DYTN: variants seen among roughly 807,000 people sequenced by gnomAD.
DYTN encodes the protein dystrotelin.
Under a neutral mutation model 69.6 loss-of-function variants are expected in DYTN, and 75 were observed. The ratio of observed to expected loss-of-function variants is 1.08; its 90% CI spans 0.89 to 1.31. The LOEUF (loss-of-function observed/expected upper bound fraction) is 1.31, where lower values mean the gene tolerates loss of function less well. Ranked by LOEUF, DYTN falls within the 50% of genes most tolerant of loss-of-function variation. DYTN has a pLI of 0.00. For synonymous variants in DYTN, 252 were observed against 249.1 expected, an observed-to-expected ratio of 1.01 and a Z score of -0.11; for missense variants, 726 against 688.4, an observed-to-expected ratio of 1.05 and a Z score of -0.61.
intron 9 of DYTN, among the ~76,000 whole-genome samples, chr2:206,684,788 T>C (rs113027826): frequency 0.086 from 13,086 of 152,194 alleles, 840 homozygotes; most frequent in East Asian, 0.21. Flanking sequence ...TTAGAAAGTA[T>C]AGCCTCTTTA....
intron 9 of DYTN, chr2:206,679,251 A>G (rs973932675): frequency 6.6e-6 from 1 of 152,206 alleles, no homozygotes; most frequent in Non-Finnish European, 1.5e-5. Flanking sequence ...TAGAAAATGT[A>G]CATTAGATAT....
chr2:206,665,517 T>A lies in DYTN; in HGVS notation c.1140+353A>T, dbSNP rs544710802. Among the ~76,000 whole-genome samples the A allele has an allele frequency of 7.5e-4, 114 of 152,156 alleles. 1 individual carries two copies. The highest frequency in any genetic ancestry group is 2.6e-3 in the African/African-American group (108 of 41,522). On this transcript the variant is annotated intron_variant, in intron 10 of 11. Coordinates refer to ENST00000452335, the MANE Select transcript of DYTN (RefSeq NM_001093730.1). ...GTGGTTATATCTATAACAACAGATA[T>A]TGATGCAAAAAGATATAACCACAGA...
chr2:206,692,147 G>A (rs758882484), intron 9 of DYTN, among the ~76,000 whole-genome samples: 1 of 151,762 alleles, frequency 6.6e-6, no homozygotes, highest in Non-Finnish European at 1.5e-5. Flanking sequence ...CGAGCATGGT[G>A]GTATGTGCCT....
chr2:206,712,914 AT>A (rs921526751), intron 1 of DYTN, among the ~76,000 whole-genome samples: 4 of 152,088 alleles, frequency 2.6e-5, no homozygotes, highest in African/African-American at 9.7e-5. Flanking sequence ...GGGAAGCAGA[AT>A]TTTTTTTCTC....
chr2:206,709,986 T>A (rs551451486), intron 2 of DYTN, among the ~76,000 whole-genome samples: 10 of 152,266 alleles, frequency 6.6e-5, no homozygotes, highest in African/African-American at 2.4e-4. Context: ...CAGATATAAA[T>A]TTACTGCAAA....
intron 2 of DYTN, 119 bp downstream of exon 2, chr2:206,710,405 T>A (rs1199478173): frequency 1.5e-5 from 14 of 946,164 alleles, no homozygotes; most frequent in Non-Finnish European, 1.9e-5. Flanking sequence ...AATGCACAAG[T>A]CCAGACTTCC....
At chr2:206,670,070 A>G (rs779122139) in intron 9 of DYTN, among the ~76,000 whole-genome samples, 1 of 152,262 alleles carries the variant, frequency 6.6e-6, no homozygotes, top group Non-Finnish European at 1.5e-5. Context: ...TCCTTAAGAC[A>G]CAATAAGAAG....
chr2:206,665,788 TG>T, intron 10 of DYTN, 81 bp downstream of exon 10: 1 of 1,513,614 alleles, frequency 6.6e-7, no homozygotes, highest in Non-Finnish European at 8.9e-7. Flanking sequence ...CAAAGTAAGG[TG>T]GGAAGCTCCT....
At chr2:206,692,168 G>A (rs181688937) in intron 9 of DYTN, among the ~76,000 whole-genome samples, 30 of 151,886 alleles carry the variant, frequency 2.0e-4, no homozygotes, top group African/African-American at 7.2e-4. Flanking sequence ...GGGAGGCTGA[G>A]GTGGGAGAAT....
intron 2 of DYTN, among the ~76,000 whole-genome samples, chr2:206,709,537 T>C (rs1700060266): frequency 6.6e-6 from 1 of 152,076 alleles, no homozygotes; most frequent in East Asian, 1.9e-4. Flanking sequence ...CTGCTGAGGA[T>C]GTGGTCTTTG....
At chr2:206,717,070 A>ACACACACACACACG (rs1553578489) in intron 1 of DYTN, among the ~76,000 whole-genome samples, 1 of 151,792 alleles carries the variant, frequency 6.6e-6, no homozygotes, top group African/African-American at 2.4e-5. Context: ...ACACACACAC[A>ACACACACACACACG]CACACACAAA....
rs1411692768 is a variant in DYTN, at chr2:206,675,150, T to TATAA, written c.981-9122_981-9121insTTAT. Among the ~76,000 whole-genome samples, 6 of 131,044 alleles carry TATAA rather than the reference T, an allele frequency of 4.6e-5. 1 individual carries two copies. The Admixed American group carries it at 4.8e-4, about 10-fold the overall frequency. 86.0% of individuals were successfully genotyped at this position (131,044 alleles called of 152,430 possible). On this transcript the variant is annotated intron_variant, in intron 9 of 11. Transcript: ENST00000452335. ...GTGTGTGTGTGTGTGTGTGTGTATA[T>TATAA]ATGTGTATATATATTTAAATATATA... is the stretch of plus-strand genomic sequence containing the variant.
chr2:206,654,062 AT>A (rs1260717699), intron 11 of DYTN, among the ~76,000 whole-genome samples: 1 of 152,224 alleles, frequency 6.6e-6, no homozygotes. Flanking sequence ...TGCTTGATTA[AT>A]ATTTGTTGAA....
At chr2:206,701,463 A>G (rs1253241720) in intron 5 of DYTN, among the ~76,000 whole-genome samples, 1 of 152,242 alleles carries the variant, frequency 6.6e-6, no homozygotes, top group Non-Finnish European at 1.5e-5. Context: ...GCCTTAGGAA[A>G]GAAGGGAATC....
At chr2:206,669,592 T>C (rs1027784997) in intron 9 of DYTN, among the ~76,000 whole-genome samples, 1 of 152,188 alleles carries the variant, frequency 6.6e-6, no homozygotes. Context: ...AGGGAATATT[T>C]AGTTTAAAAT....
rs574617680 is a variant in DYTN at position 206,692,805 on chromosome 2, CT to C, written c.980+369del. On this transcript the variant is annotated intron_variant, in intron 9 of 11. Coordinates refer to ENST00000452335, the MANE Select transcript of DYTN (RefSeq NM_001093730.1). ...TGGTATGCTGAGTGTCTTTCTTTTC[CT>C]TTTTTTTTTTTAAATAAAGTATTAA... Among the ~76,000 whole-genome samples, 613 of 143,292 alleles carry C rather than the reference CT, an allele frequency of 4.3e-3. 2 individuals are homozygous for C. The highest frequency in any genetic ancestry group is 3.7e-3 in the Middle Eastern group (1 of 272). 94.0% of individuals were successfully genotyped at this position (143,292 alleles called of 152,430 possible). A position where few individuals can be genotyped will look rare whatever the true frequency, so the allele number is the denominator to read the frequency against.
intron 11 of DYTN, 130 bp from the exon 12 acceptor site, chr2:206,652,051 A>G: frequency 4.0e-6 from 3 of 745,964 alleles, no homozygotes; most frequent in Non-Finnish European, 4.3e-6. Context: ...CAATGTCCTT[A>G]AGTTAGCCAG....
At chr2:206,660,729 C>G (rs1210932270) in intron 11 of DYTN, among the ~76,000 whole-genome samples, 2 of 152,204 alleles carry the variant, frequency 1.3e-5, no homozygotes, top group Non-Finnish European at 2.9e-5. Flanking sequence ...CTTCTGGCAT[C>G]TTTCTGAACT....
chr2:206,713,131 A>G (rs75358501), intron 1 of DYTN, among the ~76,000 whole-genome samples: 12,560 of 152,326 alleles, frequency 0.082, 662 homozygotes, highest in East Asian at 0.19. Context: ...ATTGACAAAT[A>G]AATATTGTAT....
Sources: allele counts gnomAD v4.1 joint callset (sites outside exome capture counted in the v4.1 genomes callset), GRCh38; gene constraint gnomAD v4.1.1; transcripts MANE v1.5; gene names NCBI Gene and HGNC (gene_info 2026-07-23, HGNC 2026-07-21).